The following CNTNAP2 variants were observed in gnomAD, a reference collection of about 807,000 sequenced individuals.
The protein encoded by CNTNAP2 is contactin associated protein 2, also known as contactin-associated protein-like 2.
In CNTNAP2, 98 loss-of-function variants were observed where a neutral mutation model predicts 155.2. The observed-to-expected ratio is 0.63, with a 90% CI of 0.54 to 0.75. The LOEUF (loss-of-function observed/expected upper bound fraction) is 0.75, where lower values mean the gene tolerates loss of function less well. Ranked by LOEUF, CNTNAP2 falls within the 30% of genes least tolerant of loss-of-function variation. The pLI, the probability that CNTNAP2 is intolerant of heterozygous loss-of-function variation, is 0.00. For missense variants in CNTNAP2, 1,727 were observed against 1,688.1 expected (o/e 1.02, Z -0.40); for synonymous variants, 651 against 631.2 (o/e 1.03, Z -0.47).
chr7:146,748,724 TTAAAA>T (rs1439712431), intron 1 of CNTNAP2, among the ~76,000 whole-genome samples: 2 of 152,328 alleles, frequency 1.3e-5, no homozygotes, highest in South Asian at 2.1e-4. Flanking sequence ...CAAGGAGTTC[TTAAAA>T]TAAATAAACT....
intron 1 of CNTNAP2, among the ~76,000 whole-genome samples, chr7:146,118,704 A>AT (rs1365058959): frequency 2.0e-5 from 3 of 152,166 alleles, no homozygotes; most frequent in Non-Finnish European, 4.4e-5. Flanking sequence ...GCATTTTAAG[A>AT]TAAAAAAGTT....
intron 1 of CNTNAP2, among the ~76,000 whole-genome samples, chr7:146,505,863 C>A (rs1385944677): frequency 6.6e-6 from 1 of 152,182 alleles, no homozygotes; most frequent in Non-Finnish European, 1.5e-5. Flanking sequence ...GGCCTGGCTG[C>A]CTTTTCATGG....
chr7:146,123,354 A>T (rs1010907224), intron 1 of CNTNAP2, among the ~76,000 whole-genome samples: 1 of 152,210 alleles, frequency 6.6e-6, no homozygotes, highest in Non-Finnish European at 1.5e-5. Flanking sequence ...CCCCAAACAT[A>T]TATAAGTTTT....
chr7:146,532,512 A>C (rs1797784281), intron 1 of CNTNAP2, among the ~76,000 whole-genome samples: 1 of 152,134 alleles, frequency 6.6e-6, no homozygotes, highest in Non-Finnish European at 1.5e-5. Flanking sequence ...ATTTTATGTG[A>C]TATGACTCTC....
intron 15 of CNTNAP2, among the ~76,000 whole-genome samples, chr7:148,098,444 GAAAAAAAAAAAAAA>G (rs61014019): frequency 1.8e-5 from 1 of 56,404 alleles, no homozygotes; most frequent in East Asian, 7.7e-4. Context: ...CTCTGTCTCA[GAAAAAAAAAAAAAA>G]AAAAAAAAAA....
chr7:146,680,983 G>T (rs781446125), intron 1 of CNTNAP2, among the ~76,000 whole-genome samples: 2 of 152,142 alleles, frequency 1.3e-5, no homozygotes, highest in Non-Finnish European at 2.9e-5. Context: ...ACTAAAAAAA[G>T]GTTAATCAAA....
chr7:148,344,197 A>G (rs1294167294), intron 21 of CNTNAP2, among the ~76,000 whole-genome samples: 1 of 152,182 alleles, frequency 6.6e-6, no homozygotes, highest in Non-Finnish European at 1.5e-5. Context: ...GTGTTTATTC[A>G]GTGTCAAGCA....
chr7:148,403,554 A>C (rs573981568), intron 22 of CNTNAP2, among the ~76,000 whole-genome samples: 1 of 152,300 alleles, frequency 6.6e-6, no homozygotes, highest in Non-Finnish European at 1.5e-5. Context: ...AGGTTCCTTG[A>C]TACTCCAACA....
intron 1 of CNTNAP2, among the ~76,000 whole-genome samples, chr7:146,250,324 C>T (rs556220065): frequency 3.9e-5 from 6 of 152,292 alleles, no homozygotes; most frequent in South Asian, 2.1e-4. Flanking sequence ...ACAGAAGGAA[C>T]GGTTTCATGT....
chr7:146,400,140 G>T (rs1718074), intron 1 of CNTNAP2, among the ~76,000 whole-genome samples: 18,786 of 151,786 alleles, frequency 0.12, 1,632 homozygotes, highest in African/African-American at 0.24. Flanking sequence ...CTACCATAGC[G>T]AACCAACAAT....
intron 13 of CNTNAP2, among the ~76,000 whole-genome samples, chr7:147,798,364 A>G (rs1797935485): frequency 6.6e-6 from 1 of 152,202 alleles, no homozygotes; most frequent in African/African-American, 2.4e-5. Flanking sequence ...ACAAGGAACA[A>G]AAATCACCAA....
chr7:147,389,974 A>C (rs1159129541), intron 9 of CNTNAP2, among the ~76,000 whole-genome samples: 1 of 152,174 alleles, frequency 6.6e-6, no homozygotes, highest in Admixed American at 6.5e-5. Flanking sequence ...ATATTACCAA[A>C]AAATCCCACT....
rs374920791 is a variant in CNTNAP2, at chr7:147,639,207, G to T, written c.1999G>T (p.Ala667Ser). The T allele has an allele frequency of 1.2e-6, 2 of 1,614,090 alleles. No individual in the cohort carries two copies. Among genetic ancestry groups the T allele is most frequent in the Middle Eastern group, 1.6e-4 (1 of 6,062 alleles). The change falls in exon 13 of 24, where the codon GCC becomes TCC. Residue 667 changes from alanine (A) to serine (S), a missense_variant. Ala to Ser is a moderately conservative substitution (Grantham distance 99). Transcript: ENST00000361727. ...KYSVTQLVYS[A>S]SMDQISAITD... The stretch of plus-strand genomic sequence containing the variant: ...CTCAGTGACACAGCTCGTTTACAGC[G>T]CCTCCATGGACCAGATAAGTGCCAT...
chr7:146,938,971 A>G lies in CNTNAP2; in HGVS notation c.402+99067A>G, dbSNP rs150678200. Among the ~76,000 whole-genome samples the G allele has an allele frequency of 8.2e-3, 1,244 of 152,246 alleles. 59 individuals are homozygous for G. The highest frequency in any genetic ancestry group is 0.074 in the Admixed American group (1,129 of 15,288). ...TCTATCTAAGTTTTAGTGCAGAAAG[A>G]CATTGTCAATGCAGGCTAGCCTTTA... On this transcript the variant is annotated intron_variant, in intron 3 of 23. Coordinates refer to ENST00000361727, the MANE Select transcript of CNTNAP2 (RefSeq NM_014141.6).
chr7:146,608,097 C>T (rs536548214), intron 1 of CNTNAP2, among the ~76,000 whole-genome samples: 10 of 152,304 alleles, frequency 6.6e-5, no homozygotes, highest in Non-Finnish European at 1.0e-4. Flanking sequence ...TGTTCTCCAT[C>T]TTTTAATGTT....
intron 1 of CNTNAP2, among the ~76,000 whole-genome samples, chr7:146,385,516 A>G (rs1455106007): frequency 6.6e-6 from 1 of 152,232 alleles, no homozygotes; most frequent in Non-Finnish European, 1.5e-5. Context: ...TTAAGTGCAA[A>G]CCATTTCAAA....
chr7:147,062,308 A>C (rs1799699399), intron 4 of CNTNAP2, among the ~76,000 whole-genome samples: 1 of 152,000 alleles, frequency 6.6e-6, no homozygotes, highest in African/African-American at 2.4e-5. Context: ...CTGCTTAAAT[A>C]TCATATAGAA....
chr7:146,716,895 T>C (rs1249024912), intron 1 of CNTNAP2, among the ~76,000 whole-genome samples: 1 of 152,196 alleles, frequency 6.6e-6, no homozygotes, highest in African/African-American at 2.4e-5. Flanking sequence ...CAGTATTTGA[T>C]AATAAAATGT....
chr7:147,510,853 A>ATATATATATATATATATATATATT (rs1799004908), intron 11 of CNTNAP2, among the ~76,000 whole-genome samples: 1 of 133,774 alleles, frequency 7.5e-6, no homozygotes, highest in Non-Finnish European at 1.6e-5. Context: ...CTACAACCAT[A>ATATATATATATATATATATATATT]TATATATATA....
Sources: gnomAD v4.1 joint callset for allele counts (sites outside exome capture counted in the v4.1 genomes callset) on GRCh38, gnomAD v4.1.1 for gene constraint, MANE v1.5 for transcripts, NCBI Gene and HGNC (gene_info 2026-07-23, HGNC 2026-07-21) for gene names.